Variants in ZNF618 observed in about 807,000 individuals in gnomAD.
The protein encoded by ZNF618 is neural precursor cell expressed, developmentally down-regulated 10.
Under a neutral mutation model 103.0 loss-of-function variants are expected in ZNF618, and 34 were observed. The observed-to-expected ratio is 0.33, with a 90% confidence interval of 0.25 to 0.44. The LOEUF is 0.44. Among genes scored for constraint, ZNF618 ranks in the 20% least tolerant of loss-of-function variants. ZNF618 has a pLI of 1.00. For missense variants in ZNF618, 1,059 were observed against 1,295.4 expected, an observed-to-expected ratio of 0.82 and a Z score of 2.80; for synonymous variants, 551 against 542.2, an observed-to-expected ratio of 1.02 and a Z score of -0.23.
chr9:113,922,537 G>A (rs887910505), intron 1 of ZNF618, among the ~76,000 whole-genome samples: 10 of 148,196 alleles, frequency 6.7e-5, no homozygotes, highest in Middle Eastern at 3.5e-3. Context: ...GTTGAAAAGA[G>A]TATCCTTACT....
chr9:114,048,385 T>A (rs1013235114), intron 14 of ZNF618, among the ~76,000 whole-genome samples: 1 of 152,206 alleles, frequency 6.6e-6, no homozygotes, highest in African/African-American at 2.4e-5. Context: ...TTCAAAGATC[T>A]AGGGGAATGA....
At chr9:113,890,549 T>C (rs993656352) in intron 1 of ZNF618, among the ~76,000 whole-genome samples, 2 of 152,238 alleles carry the variant, frequency 1.3e-5, no homozygotes, top group African/African-American at 4.8e-5. Flanking sequence ...AATTTGTCAT[T>C]GTTATAACCT....
intron 12 of ZNF618, chr9:114,035,196 G>GC (rs1385242727): frequency 4.1e-6 from 4 of 985,924 alleles, no homozygotes; most frequent in Non-Finnish European, 4.8e-6. Flanking sequence ...TGCAGAAACT[G>GC]CAAGTCCCCT....
In ZNF618 at chr9:114,049,874, G is replaced by A. The variant is rs374369405; in HGVS notation, c.2572G>A (p.Val858Ile). ...PAAKKPRSAAVENPAAQEDDR... is the reference protein window; with the variant it reads ...PAAKKPRSAAIENPAAQEDDR... ...TGCCAAGAAGCCCCGCTCTGCTGCC[G>A]TCGAGAACCCCGCAGCTCAGGAAGA... Residue 858 changes from valine to isoleucine, a missense_variant, in exon 15 of 15, where the codon GTC becomes ATC. By Grantham distance (29) the Val-to-Ile change is conservative. Transcript: ENST00000374126. The A allele has an allele frequency of 5.5e-5, 88 of 1,613,824 alleles. No homozygotes were observed. Among genetic ancestry groups the A allele is most frequent in the African/African-American group, 2.8e-4 (21 of 74,942 alleles).
At chr9:114,047,042 C>T (rs1403681933) in intron 13 of ZNF618, among the ~76,000 whole-genome samples, 4 of 152,138 alleles carry the variant, frequency 2.6e-5, no homozygotes, top group Admixed American at 2.0e-4. Flanking sequence ...TGTGATATAT[C>T]GTATATGATA....
chr9:113,917,329 A>G (rs1832217974), intron 1 of ZNF618, among the ~76,000 whole-genome samples: 1 of 134,240 alleles, frequency 7.4e-6, no homozygotes, highest in African/African-American at 2.8e-5. Context: ...CATTGTACTC[A>G]CTACCTCCCG....
chr9:113,930,160 G>C (rs1050711065), intron 1 of ZNF618, among the ~76,000 whole-genome samples: 1 of 152,162 alleles, frequency 6.6e-6, no homozygotes, highest in African/African-American at 2.4e-5. Context: ...GCCAAAACAT[G>C]GGGAAATTGC....
At chr9:113,963,846 G>C (rs1837097129) in intron 1 of ZNF618, among the ~76,000 whole-genome samples, 2 of 152,186 alleles carry the variant, frequency 1.3e-5, no homozygotes, top group African/African-American at 4.8e-5. Flanking sequence ...GGCCTTTGGA[G>C]GAGGGGCAGC....
intron 1 of ZNF618, among the ~76,000 whole-genome samples, chr9:113,894,632 T>C (rs1829886665): frequency 6.6e-6 from 1 of 152,230 alleles, no homozygotes; most frequent in South Asian, 2.1e-4. Flanking sequence ...CGCTCCTTTA[T>C]ATGACTCAAG....
At position 114,028,836 on chromosome 9, in the gene ZNF618, G is replaced by C. The variant is rs540044230; in HGVS notation, c.948G>C (p.Gln316His). 2.6e-6 allele frequency: 4 copies of C among 1,550,654 alleles called. No homozygotes were observed. The highest frequency in any genetic ancestry group is 3.5e-6 in the Non-Finnish European group (4 of 1,147,010). ...CACGCTTCGTGGCAGCGAAGACCCA[G>C]ACGAACCAGTCGGGGAAAAAAGCTC... ...PSPRFVAAKT[Q>H]TNQSGKKAPA... Residue 316 changes from glutamine to histidine, a missense_variant, in exon 11 of 15, where the codon CAG becomes CAC. Coordinates refer to ENST00000374126, the MANE Select transcript of ZNF618 (RefSeq NM_001318042.2).
chr9:113,994,985 G>A (rs1840429091), intron 3 of ZNF618, among the ~76,000 whole-genome samples: 2 of 150,232 alleles, frequency 1.3e-5, no homozygotes, highest in African/African-American at 4.9e-5. Context: ...TTTTCAAAAT[G>A]TATCCAAGGG....
chr9:114,022,502 G>T (rs758203670), intron 10 of ZNF618, among the ~76,000 whole-genome samples: 15 of 148,138 alleles, frequency 1.0e-4, no homozygotes, highest in Non-Finnish European at 2.2e-4. Flanking sequence ...ATTGTGGTCA[G>T]AGAACATATT....
intron 1 of ZNF618, among the ~76,000 whole-genome samples, chr9:113,952,529 T>C (rs1259260677): frequency 6.6e-6 from 1 of 152,196 alleles, no homozygotes; most frequent in Admixed American, 6.5e-5. Flanking sequence ...AGTCCTCTCA[T>C]TGCATTCCCT....
At chr9:113,890,428 T>G (rs1829513815) in intron 1 of ZNF618, among the ~76,000 whole-genome samples, 1 of 152,222 alleles carries the variant, frequency 6.6e-6, no homozygotes, top group African/African-American at 2.4e-5. Flanking sequence ...GATATATTTT[T>G]CATCATCAGC....
At chr9:113,911,989 T>TGAAACACAGATTGCTGGGCCC (rs1831593154) in intron 1 of ZNF618, among the ~76,000 whole-genome samples, 1 of 152,220 alleles carries the variant, frequency 6.6e-6, no homozygotes. Context: ...AAGGAGGGCC[T>TGAAACACAGATTGCTGGGCCC]GAAACACAGA....
At chr9:114,029,307 G>A (rs1843794472) in intron 11 of ZNF618, among the ~76,000 whole-genome samples, 1 of 152,066 alleles carries the variant, frequency 6.6e-6, no homozygotes, top group Middle Eastern at 3.2e-3. Context: ...AAATTTTTTA[G>A]TTAATTGCCA....
At chr9:114,029,890 G>GAC (rs1388621823) in intron 11 of ZNF618, among the ~76,000 whole-genome samples, 1 of 152,220 alleles carries the variant, frequency 6.6e-6, no homozygotes, top group Non-Finnish European at 1.5e-5. Context: ...AAACTGGCCA[G>GAC]ACACACTGTG....
chr9:113,880,295 C>A (rs552318357), intron 1 of ZNF618, among the ~76,000 whole-genome samples: 4 of 152,090 alleles, frequency 2.6e-5, no homozygotes, highest in Admixed American at 6.5e-5. Context: ...TTCAGGAGCC[C>A]TAGCCCCCAC....
chr9:113,907,470 T>C (rs1284071498), intron 1 of ZNF618, among the ~76,000 whole-genome samples: 1 of 152,210 alleles, frequency 6.6e-6, no homozygotes, highest in East Asian at 1.9e-4. Context: ...CCGTTCACTG[T>C]TCTCTTGCCA....
Sources: gnomAD v4.1 joint callset for allele counts (sites outside exome capture counted in the v4.1 genomes callset) on GRCh38, gnomAD v4.1.1 for gene constraint, MANE v1.5 for transcripts, NCBI Gene and HGNC (gene_info 2026-07-23, HGNC 2026-07-21) for gene names.